The following ZBTB20 variants were observed in gnomAD, a reference collection of about 807,000 sequenced individuals.
The protein encoded by ZBTB20 is zinc finger and BTB domain-containing protein 20.
ZBTB20 carries 9 observed loss-of-function variants against 56.9 expected under a neutral mutation model. That is an observed-to-expected ratio of 0.16 (90% CI 0.10 to 0.28). The LOEUF (loss-of-function observed/expected upper bound fraction) is 0.28, where lower values mean the gene tolerates loss of function less well. Ranked by LOEUF, ZBTB20 falls within the 10% of genes least tolerant of loss-of-function variation. ZBTB20 has a pLI of 1.00. For synonymous variants in ZBTB20, 417 were observed against 420.7 expected (o/e 0.99, Z 0.11); for missense variants, 655 against 1,003.0 (o/e 0.65, Z 4.69).
chr3:114,788,873 T>A (rs575662189), intron 5 of ZBTB20, among the ~76,000 whole-genome samples: 23 of 152,150 alleles, frequency 1.5e-4, no homozygotes, highest in Non-Finnish European at 3.1e-4. Flanking sequence ...ACATGTCTTA[T>A]ATGGAGGCAG....
chr3:114,527,216 C>A (rs1436515404), intron 6 of ZBTB20: 1 of 152,128 alleles, frequency 6.6e-6, no homozygotes, highest in East Asian at 1.9e-4. Flanking sequence ...TGTCTTGTTA[C>A]TGCAGTGGCC....
intron 1 of ZBTB20, among the ~76,000 whole-genome samples, chr3:115,131,957 A>G (rs943402457): frequency 2.6e-5 from 4 of 152,048 alleles, no homozygotes; most frequent in African/African-American, 9.7e-5. Flanking sequence ...TGACTTTGTA[A>G]TATGTTCTGG....
At chr3:115,029,140 T>C (rs1169386598) in intron 2 of ZBTB20, among the ~76,000 whole-genome samples, 1 of 150,244 alleles carries the variant, frequency 6.7e-6, no homozygotes, top group Non-Finnish European at 1.5e-5. Flanking sequence ...TTATTACCAA[T>C]GATAAAAAAT....
chr3:114,574,485 T>C (rs905348361), intron 6 of ZBTB20, among the ~76,000 whole-genome samples: 8 of 152,256 alleles, frequency 5.3e-5, no homozygotes, highest in African/African-American at 1.9e-4. Flanking sequence ...CTTTGAATCC[T>C]AGTGAATTAT....
At chr3:114,733,193 C>T (rs755090662) in intron 5 of ZBTB20, among the ~76,000 whole-genome samples, 5 of 152,112 alleles carry the variant, frequency 3.3e-5, no homozygotes, top group African/African-American at 4.8e-5. Context: ...AACAGACTTA[C>T]GGGTTCTATG....
intron 3 of ZBTB20, among the ~76,000 whole-genome samples, chr3:114,942,375 T>C (rs1274308338): frequency 1.4e-5 from 2 of 146,162 alleles, no homozygotes; most frequent in Non-Finnish European, 2.9e-5. Context: ...ATAAACTTTT[T>C]GTACTCTTAA....
At chr3:114,778,719 A>G (rs1378626396) in intron 5 of ZBTB20, among the ~76,000 whole-genome samples, 1 of 152,224 alleles carries the variant, frequency 6.6e-6, no homozygotes, top group African/African-American at 2.4e-5. Context: ...GTACCTTTGA[A>G]AAGCTACTAG....
At chr3:114,663,408 C>A (rs1267071542) in intron 6 of ZBTB20, among the ~76,000 whole-genome samples, 1 of 148,546 alleles carries the variant, frequency 6.7e-6, no homozygotes, top group East Asian at 2.0e-4. Flanking sequence ...TGGAAAGGAA[C>A]AACCGGTACC....
At chr3:114,846,130 C>T (rs569512606) in intron 4 of ZBTB20, among the ~76,000 whole-genome samples, 1 of 152,064 alleles carries the variant, frequency 6.6e-6, no homozygotes, top group East Asian at 1.9e-4. Flanking sequence ...GGGTTGTATA[C>T]ACACCTACAT....
intron 7 of ZBTB20, among the ~76,000 whole-genome samples, chr3:114,420,139 T>C (rs1000756876): frequency 1.3e-5 from 2 of 152,166 alleles, no homozygotes; most frequent in African/African-American, 4.8e-5. Context: ...AAATCTAACT[T>C]GATAAATATC....
At chr3:115,017,000 C>A (rs1037363577) in intron 2 of ZBTB20, among the ~76,000 whole-genome samples, 1 of 151,542 alleles carries the variant, frequency 6.6e-6, no homozygotes, top group African/African-American at 2.4e-5. Flanking sequence ...TCTCACCACT[C>A]CTACTCAACA....
intron 3 of ZBTB20, among the ~76,000 whole-genome samples, chr3:114,959,714 T>TACAC (rs1349040952): frequency 1.7e-4 from 19 of 110,166 alleles, no homozygotes; most frequent in Non-Finnish European, 2.7e-4. Flanking sequence ...TCTATATTTA[T>TACAC]ATACATACAC....
intron 7 of ZBTB20, among the ~76,000 whole-genome samples, chr3:114,393,321 T>A (rs568281161): frequency 3.3e-5 from 5 of 152,376 alleles, no homozygotes; most frequent in Non-Finnish European, 7.3e-5. Context: ...AAAAATTATC[T>A]GGCAAATTTA....
chr3:114,438,139 G>A (rs746247427), intron 7 of ZBTB20, among the ~76,000 whole-genome samples: 2 of 152,092 alleles, frequency 1.3e-5, no homozygotes, highest in Non-Finnish European at 2.9e-5. Flanking sequence ...GGAAGATGAG[G>A]GGAAGGCCAC....
At chr3:114,485,463 C>T (rs1476699364) in intron 7 of ZBTB20, among the ~76,000 whole-genome samples, 1 of 152,186 alleles carries the variant, frequency 6.6e-6, no homozygotes, top group Non-Finnish European at 1.5e-5. Context: ...CTGTTGTCTC[C>T]TCTCTGAAGA....
At chr3:114,707,568 G>C (rs1195563325) in intron 5 of ZBTB20, among the ~76,000 whole-genome samples, 1 of 152,156 alleles carries the variant, frequency 6.6e-6, no homozygotes, top group Non-Finnish European at 1.5e-5. Context: ...CCCTAGAACA[G>C]TTTTGAAAAT....
intron 7 of ZBTB20, among the ~76,000 whole-genome samples, chr3:114,494,795 C>A (rs1280958066): frequency 6.6e-6 from 1 of 152,214 alleles, no homozygotes; most frequent in African/African-American, 2.4e-5. Flanking sequence ...AAGCTATGCT[C>A]TTCAACCAAC....
At chr3:115,119,549 C>T (rs769599862) in intron 1 of ZBTB20, among the ~76,000 whole-genome samples, 9 of 152,144 alleles carry the variant, frequency 5.9e-5, no homozygotes, top group Non-Finnish European at 1.2e-4. Flanking sequence ...CAAGGTGCCA[C>T]AACTCATACA....
intron 5 of ZBTB20, among the ~76,000 whole-genome samples, chr3:114,722,463 A>G (rs1355301935): frequency 1.3e-5 from 2 of 152,228 alleles, no homozygotes; most frequent in African/African-American, 4.8e-5. Flanking sequence ...TCCAGTTACA[A>G]AAGGAAAATA....
Sources: gnomAD v4.1 joint callset for allele counts (sites outside exome capture counted in the v4.1 genomes callset) on GRCh38, gnomAD v4.1.1 for gene constraint, MANE v1.5 for transcripts, NCBI Gene and HGNC (gene_info 2026-07-23, HGNC 2026-07-21) for gene names.